Variants in TLN2 observed in about 807,000 individuals in gnomAD.
The protein encoded by TLN2 is talin-2.
A neutral mutation model predicts 294.7 loss-of-function variants in TLN2; 118 were observed. That is an observed-to-expected ratio of 0.40 (90% CI 0.34 to 0.47). TLN2 has a LOEUF of 0.47. Ranked by LOEUF, TLN2 falls within the 20% of genes least tolerant of loss-of-function variation. The pLI is 0.84. For synonymous variants in TLN2, 1,431 were observed against 1,304.5 expected, an observed-to-expected ratio of 1.10 and a Z score of -2.09; for missense variants, 3,083 against 3,282.2, an observed-to-expected ratio of 0.94 and a Z score of 1.48.
At chr15:62,491,341 TATATATATATACACAC>T (rs1567024404) in intron 1 of TLN2, among the ~76,000 whole-genome samples, 1 of 101,322 alleles carries the variant, frequency 9.9e-6, no homozygotes, top group African/African-American at 3.6e-5. Flanking sequence ...AAAAAAAATA[TATATATATATACACAC>T]ACACACACAC....
intron 12 of TLN2, among the ~76,000 whole-genome samples, chr15:62,689,056 A>C (rs1027538037): frequency 1.7e-4 from 16 of 91,822 alleles, no homozygotes; most frequent in Admixed American, 1.5e-3. Context: ...TGTCCACTTT[A>C]TTTCTCTCTC....
chr15:62,730,499 C>CAGG (rs1567477637), intron 28 of TLN2, among the ~76,000 whole-genome samples: 1 of 152,210 alleles, frequency 6.6e-6, no homozygotes, highest in Admixed American at 6.5e-5. Context: ...CATTTCTCTT[C>CAGG]TACCTGAAGA....
intron 2 of TLN2, among the ~76,000 whole-genome samples, chr15:62,607,811 C>G (rs1051482418): frequency 6.6e-6 from 1 of 152,186 alleles, no homozygotes; most frequent in African/African-American, 2.4e-5. Flanking sequence ...TCACCATCCA[C>G]ATGCCATGGG....
intron 1 of TLN2, among the ~76,000 whole-genome samples, chr15:62,560,062 A>G (rs1395005295): frequency 6.6e-6 from 1 of 152,160 alleles, no homozygotes; most frequent in East Asian, 1.9e-4. Flanking sequence ...TAACTGCCAT[A>G]GGGTCAGGGC....
intron 1 of TLN2, among the ~76,000 whole-genome samples, chr15:62,431,361 CAACT>C (rs1357735378): frequency 6.6e-6 from 1 of 152,124 alleles, no homozygotes; most frequent in African/African-American, 2.4e-5. Context: ...TAGGGATAAA[CAACT>C]AATTAAGGCC....
At chr15:62,448,210 G>A (rs1277797079) in intron 1 of TLN2, among the ~76,000 whole-genome samples, 1 of 152,212 alleles carries the variant, frequency 6.6e-6, no homozygotes, top group Non-Finnish European at 1.5e-5. Flanking sequence ...AGGCTTGGGT[G>A]ATCTATGTGC....
chr15:62,605,570 AGGCTGT>A (rs2047363228), intron 2 of TLN2, among the ~76,000 whole-genome samples: 3 of 152,150 alleles, frequency 2.0e-5, no homozygotes, highest in Non-Finnish European at 2.9e-5. Context: ...CAGGGAAGTT[AGGCTGT>A]GGCTGCTGCT....
intron 22 of TLN2, among the ~76,000 whole-genome samples, chr15:62,713,568 A>G (rs1452966230): frequency 6.6e-6 from 1 of 152,066 alleles, no homozygotes; most frequent in African/African-American, 2.4e-5. Flanking sequence ...AATCCCAGCT[A>G]CTAGGGAGGC....
intron 42 of TLN2, among the ~76,000 whole-genome samples, 197 bp downstream of exon 42, chr15:62,771,331 A>AT (rs576473145): frequency 5.9e-5 from 9 of 152,260 alleles, no homozygotes; most frequent in Admixed American, 4.6e-4. Context: ...CATAAAAGTT[A>AT]TTTTTTTCTT....
chr15:62,581,459 T>C (rs1055405276), intron 1 of TLN2, among the ~76,000 whole-genome samples: 1 of 152,168 alleles, frequency 6.6e-6, no homozygotes, highest in Non-Finnish European at 1.5e-5. Flanking sequence ...TTACCTATGG[T>C]GTTCATCAGG....
At chr15:62,817,710 G>A (rs1596108552) in intron 52 of TLN2, among the ~76,000 whole-genome samples, 5 of 152,052 alleles carry the variant, frequency 3.3e-5, no homozygotes. Context: ...TACCTGGGCA[G>A]GGGAAAGGAG....
intron 11 of TLN2, 98 bp downstream of exon 11, chr15:62,675,419 C>G (rs914484098): frequency 1.1e-5 from 14 of 1,247,046 alleles, no homozygotes; most frequent in Admixed American, 4.1e-5. Context: ...TGCTCACCCC[C>G]CTAGCATTTG....
chr15:62,481,672 T>G (rs899140835), intron 1 of TLN2, among the ~76,000 whole-genome samples: 3 of 151,928 alleles, frequency 2.0e-5, no homozygotes, highest in African/African-American at 4.8e-5. Context: ...AGAAAGTGCT[T>G]TTTTTTTAAA....
At chr15:62,487,434 T>C (rs906691631) in intron 1 of TLN2, among the ~76,000 whole-genome samples, 1 of 152,212 alleles carries the variant, frequency 6.6e-6, no homozygotes, top group Non-Finnish European at 1.5e-5. Context: ...CTCAAACTAA[T>C]TCCAGTTTGT....
At chr15:62,451,907 C>T (rs1047402918) in intron 1 of TLN2, among the ~76,000 whole-genome samples, 2 of 152,072 alleles carry the variant, frequency 1.3e-5, no homozygotes, top group East Asian at 1.9e-4. Context: ...AGTTTTAGAT[C>T]GTATATTTAT....
chr15:62,710,484 T>A (rs1405528994), intron 21 of TLN2, among the ~76,000 whole-genome samples: 2 of 152,192 alleles, frequency 1.3e-5, no homozygotes, highest in African/African-American at 4.8e-5. Flanking sequence ...TTGAATTTGT[T>A]GTTGTTTGTT....
At chr15:62,671,538 T>A (rs2055423180) in intron 9 of TLN2, among the ~76,000 whole-genome samples, 1 of 152,194 alleles carries the variant, frequency 6.6e-6, no homozygotes, top group African/African-American at 2.4e-5. Flanking sequence ...TAAAAAAGTA[T>A]TCTTTCCCCA....
In TLN2 at chr15:62,843,461, C is replaced by T. The variant is rs1053433565; in HGVS notation, c.*2851C>T. On this transcript the variant is annotated 3_prime_UTR_variant, in exon 59 of 59. Coordinates refer to ENST00000636159, the MANE Select transcript of TLN2 (RefSeq NM_015059.3). ...CCCTGGCCATCTGTGCAGGCAGGTT[C>T]CTCAATTCCTGGTTGGCCCTGCAGT... 6.6e-6 allele frequency: 1 copy of T among 152,252 alleles called. No individual in the cohort carries two copies. The highest frequency in any genetic ancestry group is 1.5e-5 in the Non-Finnish European group (1 of 68,078). 9.4% of individuals were successfully genotyped at this position (152,252 alleles called of 1,614,324 possible). A position where few individuals can be genotyped will look rare whatever the true frequency, so the allele number is the denominator to read the frequency against.
In TLN2 at chr15:62,657,896, A is replaced by G; in HGVS notation, c.786A>G (p.Leu262=). 6.2e-7 allele frequency: 1 copy of G among 1,610,660 alleles called. No individual in the cohort carries two copies. Among genetic ancestry groups the G allele is most frequent in the Non-Finnish European group, 8.5e-7 (1 of 1,179,026 alleles). The stretch of plus-strand genomic sequence containing the variant: ...AACATAAACACAAACCTGGATTTTT[A>G]GAGTAAATGACATTTTGTTTCTCTT... ...HVEHKHKPGF[L]DLKEFLPKEY... Residue 262 remains leucine (L), a splice_region_variant and synonymous_variant, in exon 9 of 59, where the codon TTA becomes TTG. Coordinates refer to ENST00000636159, the MANE Select transcript of TLN2 (RefSeq NM_015059.3).
Sources: gnomAD v4.1 joint callset for allele counts (sites outside exome capture counted in the v4.1 genomes callset) on GRCh38, gnomAD v4.1.1 for gene constraint, MANE v1.5 for transcripts, NCBI Gene and HGNC (gene_info 2026-07-23, HGNC 2026-07-21) for gene names.